The following DAB1 variants were observed in gnomAD, a reference collection of about 807,000 sequenced individuals.
DAB1 encodes the protein DAB adaptor protein 1.
In DAB1, 15 loss-of-function variants were observed where a neutral mutation model predicts 64.6. The observed-to-expected ratio is 0.23, with a 90% CI of 0.16 to 0.36. The LOEUF (loss-of-function observed/expected upper bound fraction) is 0.36. Among genes scored for constraint, DAB1 ranks in the 10% least tolerant of loss-of-function variants. The pLI is 1.00. For synonymous variants in DAB1, 235 were observed against 251.9 expected (o/e 0.93, Z 0.64); for missense variants, 596 against 706.7 (o/e 0.84, Z 1.78).
chr1:57,753,124 C>A (rs1648631779), intron 6 of DAB1, among the ~76,000 whole-genome samples: 1 of 152,146 alleles, frequency 6.6e-6, no homozygotes, highest in Non-Finnish European at 1.5e-5. Flanking sequence ...CACCTGGGGT[C>A]TTTGGCCTAC....
chr1:57,194,309 T>A (rs897175389), intron 2 of DAB1, among the ~76,000 whole-genome samples: 1 of 152,158 alleles, frequency 6.6e-6, no homozygotes, highest in African/African-American at 2.4e-5. Flanking sequence ...TTGGGACAAG[T>A]CTGTCTGTCT....
intron 14 of DAB1, among the ~76,000 whole-genome samples, chr1:57,006,751 T>C (rs1646084988): frequency 6.6e-6 from 1 of 152,238 alleles, no homozygotes; most frequent in East Asian, 1.9e-4. Flanking sequence ...GTCTGTTGTT[T>C]GGTTGTATTT....
In DAB1 at chr1:57,503,333, C is replaced by T. The variant is rs529014341; in HGVS notation, n.625+146259G>A. Among the ~76,000 whole-genome samples, 7 of 152,332 alleles carry T rather than the reference C, an allele frequency of 4.6e-5. No homozygotes were observed. In the East Asian group the frequency reaches 1.2e-3, roughly 25 times the overall value. Reference sequence around the variant, plus strand: ...GAAATGCAGTAGCCTTGTTGTTTCTCAGTCTCTAGGTCCTGCCAGTTAACA... The same window carrying T: ...GAAATGCAGTAGCCTTGTTGTTTCTTAGTCTCTAGGTCCTGCCAGTTAACA... On this transcript the variant is annotated intron_variant and non_coding_transcript_variant, in intron 7 of 20. Coordinates refer to the DAB1 transcript ENST00000485760.
At chr1:57,457,221 A>G (rs1428950012) in intron 7 of DAB1, among the ~76,000 whole-genome samples, 3 of 152,150 alleles carry the variant, frequency 2.0e-5, no homozygotes, top group African/African-American at 4.8e-5. Context: ...TCAGTTCAGC[A>G]TTTCACAAAC....
At chr1:57,259,967 A>C (rs1280808444) in intron 2 of DAB1, among the ~76,000 whole-genome samples, 1 of 152,194 alleles carries the variant, frequency 6.6e-6, no homozygotes, top group East Asian at 1.9e-4. Flanking sequence ...TACACATTTC[A>C]TAGTTTGTTC....
chr1:58,120,431 CAGTT>C (rs1049440777), intron 5 of DAB1, among the ~76,000 whole-genome samples: 10 of 152,110 alleles, frequency 6.6e-5, no homozygotes, highest in African/African-American at 1.4e-4. Context: ...ATTCTATTCT[CAGTT>C]AGGGGACCTT....
At chr1:57,329,093 A>T (rs1467231551) in intron 1 of DAB1, among the ~76,000 whole-genome samples, 1 of 152,312 alleles carries the variant, frequency 6.6e-6, no homozygotes, top group African/African-American at 2.4e-5. Context: ...CACATGCTAC[A>T]TTCATTCCAC....
intron 2 of DAB1, among the ~76,000 whole-genome samples, chr1:57,156,832 G>A (rs1304657793): frequency 1.3e-5 from 2 of 152,128 alleles, no homozygotes; most frequent in Non-Finnish European, 2.9e-5. Context: ...CGATTCTTCT[G>A]GGCACAGAGT....
chr1:57,229,452 C>T (rs1305785382), intron 2 of DAB1, among the ~76,000 whole-genome samples: 1 of 151,934 alleles, frequency 6.6e-6, no homozygotes, highest in Non-Finnish European at 1.5e-5. Flanking sequence ...GCCTCAGCCT[C>T]CCAAAAGGCT....
Position 57,983,899 on chromosome 1 carries a change from G to A in DAB1, n.388-99737C>T, listed in dbSNP as rs561088368. ...GTGGTTCTCCGGGAAATGGCTTGGC[G>A]TACATTTTCCCCAGAATAGTGCTAT... On this transcript the variant is annotated intron_variant and non_coding_transcript_variant, in intron 5 of 20. Coordinates refer to the DAB1 transcript ENST00000485760. Among the ~76,000 whole-genome samples, 6 of 152,140 alleles carry A rather than the reference G, an allele frequency of 3.9e-5. No homozygotes were observed. In the South Asian group the frequency reaches 6.2e-4, roughly 16 times the overall value.
rs1006644851 is a variant in DAB1 at position 58,100,064 on chromosome 1, AT to A, written n.387+50446del. 4.0e-3 allele frequency among the ~76,000 whole-genome samples: 599 copies of A among 151,248 alleles called. 10 individuals are homozygous for A. The highest frequency in any genetic ancestry group is 1.5e-3 in the African/African-American group (63 of 41,298). ...GTCAAGCTTTATTTTTGCCTGTAGC[AT>A]TTTTTTTTATCGTGGTAAAAGATAC... On this transcript the variant is annotated intron_variant and non_coding_transcript_variant, in intron 5 of 20. Transcript: ENST00000485760.
At chr1:57,336,607 C>A (rs1055214810) in intron 1 of DAB1, among the ~76,000 whole-genome samples, 12 of 152,110 alleles carry the variant, frequency 7.9e-5, no homozygotes, top group Admixed American at 6.5e-4. Flanking sequence ...TGCTTATCAC[C>A]GTTTCCTTTT....
chr1:57,198,315 A>T (rs1664797099), intron 2 of DAB1, among the ~76,000 whole-genome samples: 1 of 152,140 alleles, frequency 6.6e-6, no homozygotes, highest in South Asian at 2.1e-4. Context: ...GCCATCAAGG[A>T]GTTCACAGTG....
chr1:58,023,583 G>T (rs1646845215), intron 5 of DAB1, among the ~76,000 whole-genome samples: 1 of 152,298 alleles, frequency 6.6e-6, no homozygotes, highest in African/African-American at 2.4e-5. Context: ...TGCAAGTCTA[G>T]TTCTCAGCAA....
chr1:57,597,865 T>G (rs2101580498), intron 7 of DAB1, among the ~76,000 whole-genome samples: 1 of 152,392 alleles, frequency 6.6e-6, no homozygotes, highest in South Asian at 2.1e-4. Flanking sequence ...ATGGCACATC[T>G]TAAACTTTAA....
At chr1:57,160,228 A>C (rs956138632) in intron 2 of DAB1, among the ~76,000 whole-genome samples, 3 of 152,218 alleles carry the variant, frequency 2.0e-5, no homozygotes, top group African/African-American at 7.2e-5. Context: ...ACCACTCTGC[A>C]AGGCAGGCAC....
At chr1:58,253,139 G>A (rs780291865) in intron 4 of DAB1, among the ~76,000 whole-genome samples, 3 of 152,162 alleles carry the variant, frequency 2.0e-5, no homozygotes, top group African/African-American at 7.2e-5. Flanking sequence ...GTCATTTATT[G>A]TGTTTTCTAA....
At chr1:58,358,976 A>ACACACACACACT (rs1644138540) in intron 3 of DAB1, among the ~76,000 whole-genome samples, 4 of 145,752 alleles carry the variant, frequency 2.7e-5, no homozygotes, top group African/African-American at 1.0e-4. Flanking sequence ...ACACACACAC[A>ACACACACACACT]CTCAAAGGAT....
At chr1:58,253,226 G>A (rs1400768908) in intron 4 of DAB1, among the ~76,000 whole-genome samples, 1 of 152,178 alleles carries the variant, frequency 6.6e-6, no homozygotes, top group African/African-American at 2.4e-5. Flanking sequence ...GAGCTGTGAA[G>A]ACTAAAGGAA....
Sources: gnomAD v4.1 joint callset for allele counts (sites outside exome capture counted in the v4.1 genomes callset) on GRCh38, gnomAD v4.1.1 for gene constraint, MANE v1.5 for transcripts, NCBI Gene and HGNC (gene_info 2026-07-23, HGNC 2026-07-21) for gene names.